The following TTC34 variants were observed in gnomAD, a reference collection of about 807,000 sequenced individuals.
TTC34 encodes tetratricopeptide repeat protein 34.
TTC34 carries 44 observed loss-of-function variants against 40.7 expected under a neutral mutation model. The ratio of observed to expected loss-of-function variants is 1.08; its 90% confidence interval spans 0.85 to 1.39. The LOEUF is 1.39. Among genes scored for constraint, TTC34 ranks in the 40% most tolerant of loss-of-function variants. The pLI, the probability that TTC34 is intolerant of heterozygous loss-of-function variation, is 0.00. For missense variants in TTC34, 884 were observed against 838.0 expected (o/e 1.05, Z -0.68); for synonymous variants, 422 against 398.6 (o/e 1.06, Z -0.70).
intron 6 of TTC34, among the ~76,000 whole-genome samples, chr1:2,690,097 A>T (rs1640547170): frequency 7.1e-6 from 1 of 141,616 alleles, no homozygotes; most frequent in South Asian, 2.3e-4. Flanking sequence ...CAGCACCCAC[A>T]CCCCCAGGTG....
intron 6 of TTC34, among the ~76,000 whole-genome samples, chr1:2,781,573 G>A (rs1363832150): frequency 1.3e-5 from 2 of 152,276 alleles, no homozygotes; most frequent in East Asian, 3.9e-4. Flanking sequence ...GAGTAGAAGT[G>A]CAAAAGCAAT....
chr1:2,688,020 T>G (rs555626510), intron 6 of TTC34, among the ~76,000 whole-genome samples: 1 of 130,346 alleles, frequency 7.7e-6, no homozygotes, highest in African/African-American at 3.2e-5. Context: ...CAGGCGAGCA[T>G]CTGACTGCAT....
intron 6 of TTC34, among the ~76,000 whole-genome samples, chr1:2,749,677 A>T (rs1294129744): frequency 1.8e-4 from 4 of 22,752 alleles, no homozygotes; most frequent in African/African-American, 9.8e-4. Context: ...TGGAGCAGCA[A>T]CCTGCACACC....
intron 2 of TTC34, among the ~76,000 whole-genome samples, chr1:2,793,087 G>C (rs1643680641): frequency 1.3e-5 from 2 of 152,254 alleles, no homozygotes; most frequent in African/African-American, 4.8e-5. Flanking sequence ...TCTATTGTTA[G>C]ATAGACAATT....
chr1:2,749,084 C>CTG (rs1641235576), intron 6 of TTC34, among the ~76,000 whole-genome samples: 1 of 146,168 alleles, frequency 6.8e-6, no homozygotes, highest in Non-Finnish European at 1.5e-5. Context: ...ACCCACAACC[C>CTG]CAGGCGAGCA....
intron 6 of TTC34, among the ~76,000 whole-genome samples, chr1:2,687,424 T>G (rs142531676): frequency 4.1e-4 from 20 of 49,116 alleles, no homozygotes; most frequent in African/African-American, 2.2e-3. Context: ...GAGCATCTGA[T>G]GGTCTGGAGC....
intron 6 of TTC34, among the ~76,000 whole-genome samples, chr1:2,773,021 C>T (rs1166932547): frequency 1.3e-5 from 2 of 150,936 alleles, no homozygotes; most frequent in African/African-American, 4.9e-5. Flanking sequence ...CCCACACCCC[C>T]AGGCGAGCAT....
In TTC34 at chr1:2,751,228, G is replaced by A. The variant is rs1458346727; in HGVS notation, c.2226+32381C>T. Among the ~76,000 whole-genome samples the A allele has an allele frequency of 2.8e-5, 3 of 105,298 alleles. No individual in the cohort carries two copies. In the East Asian group the frequency reaches 1.1e-3, roughly 38 times the overall value. The allele number at this position is 105,298 out of a possible 152,430, so 69.1% of individuals were successfully genotyped here. ...CACACCCTCAGGTGAGCATCTGACA[G>A]CCTGGAGCAGCAGGCACACCCCCAG... On this transcript the variant is annotated intron_variant, in intron 6 of 8. Transcript: ENST00000401095.
At chr1:2,651,296 C>T (rs1448047431) in intron 6 of TTC34, among the ~76,000 whole-genome samples, 4 of 152,086 alleles carry the variant, frequency 2.6e-5, no homozygotes, top group Non-Finnish European at 5.9e-5. Context: ...ATCTGACAAC[C>T]TGGAATAGAA....
chr1:2,787,954 A>G (rs1417817513), intron 3 of TTC34, among the ~76,000 whole-genome samples: 1 of 152,184 alleles, frequency 6.6e-6, no homozygotes, highest in Non-Finnish European at 1.5e-5. Flanking sequence ...AGGCAGAGGC[A>G]GGGCTGACCC....
At chr1:2,686,864 GCCTGGA>G (rs1557612195) in intron 6 of TTC34, among the ~76,000 whole-genome samples, 1 of 64,044 alleles carries the variant, frequency 1.6e-5, no homozygotes, top group Non-Finnish European at 3.7e-5. Flanking sequence ...GCATCGGACA[GCCTGGA>G]GCAGCACCCA....
chr1:2,685,201 C>A (rs368885289), intron 6 of TTC34, among the ~76,000 whole-genome samples: 230 of 92,534 alleles, frequency 2.5e-3, no homozygotes, highest in Middle Eastern at 0.013. Flanking sequence ...ACCCACACCC[C>A]CAGGTGAGCA....
chr1:2,695,782 A>G (rs1431131904), intron 6 of TTC34, among the ~76,000 whole-genome samples: 58 of 148,830 alleles, frequency 3.9e-4, no homozygotes, highest in South Asian at 1.1e-3. Context: ...GACAGGCTGG[A>G]GCAGCACGCA....
Position 2,645,390 on chromosome 1 carries a change from G to A in TTC34, c.2400C>T (p.Asp800=). 2 of 1,535,684 alleles carry A rather than the reference G, an allele frequency of 1.3e-6. No homozygotes were observed. The highest frequency in any genetic ancestry group is 1.7e-6 in the Non-Finnish European group (2 of 1,146,648). ...CCCCCACAGCAAGGAGGCCCTGGGT[G>A]TCCTTGTCCTCGAGAGGGGCCCCAG... Residue 800 remains aspartate, a synonymous_variant, in exon 7 of 9, where the codon GAC becomes GAT. Transcript: ENST00000401095. The surrounding 1 kb of genome is among the most constrained non-coding windows in gnomAD (Gnocchi z 4.7).
At chr1:2,771,799 C>CT (rs2100512432) in intron 6 of TTC34, among the ~76,000 whole-genome samples, 1 of 113,264 alleles carries the variant, frequency 8.8e-6, no homozygotes, top group South Asian at 3.3e-4. Context: ...GAGCAGCACC[C>CT]ACACCCCCAG....
chr1:2,695,589 AC>A (rs1196879791), intron 6 of TTC34, among the ~76,000 whole-genome samples: 1 of 48,516 alleles, frequency 2.1e-5, no homozygotes, highest in East Asian at 5.1e-4. Flanking sequence ...CTGGAGCAGC[AC>A]CCACACTCCA....
At chr1:2,699,532 A>C (rs1307221865) in intron 6 of TTC34, among the ~76,000 whole-genome samples, 43 of 132,936 alleles carry the variant, frequency 3.2e-4, no homozygotes, top group East Asian at 4.7e-4. Context: ...CACCACCCAC[A>C]TCCCCAGGTG....
intron 2 of TTC34, 49 bp downstream of exon 2, chr1:2,799,995 C>T (rs996316959): frequency 6.8e-5 from 27 of 398,362 alleles, no homozygotes; most frequent in African/African-American, 4.5e-4. Context: ...GAGGGAGTGG[C>T]GGGGGCAGCT....
At chr1:2,694,291 CCTGG>C (rs1640762644) in intron 6 of TTC34, among the ~76,000 whole-genome samples, 1 of 117,846 alleles carries the variant, frequency 8.5e-6, no homozygotes, top group Non-Finnish European at 1.8e-5. Flanking sequence ...CATCGGACAG[CCTGG>C]AGCAGCACCC....
Sources: gnomAD v4.1 joint callset for allele counts (sites outside exome capture counted in the v4.1 genomes callset) on GRCh38, gnomAD v4.1.1 for gene constraint, Gnocchi (gnomAD v3.1) non-coding constraint, MANE v1.5 for transcripts, NCBI Gene and HGNC (gene_info 2026-07-23, HGNC 2026-07-21) for gene names.